Variants in ERC1 observed in about 807,000 individuals in gnomAD.
ERC1 encodes the protein ELKS/RAB6-interacting/CAST family member 1.
Under a neutral mutation model 132.0 loss-of-function variants are expected in ERC1, and 56 were observed. The ratio of observed to expected loss-of-function variants is 0.42; its 90% CI spans 0.34 to 0.53. ERC1 has a LOEUF of 0.53. Among genes scored for constraint, ERC1 ranks in the 20% least tolerant of loss-of-function variants. The pLI is 0.03. For synonymous variants in ERC1, 478 were observed against 476.1 expected, an observed-to-expected ratio of 1.00 and a Z score of -0.05; for missense variants, 1,202 against 1,349.9, an observed-to-expected ratio of 0.89 and a Z score of 1.72.
chr12:1,039,355 AAAAT>A (rs1555211059), intron 2 of ERC1, among the ~76,000 whole-genome samples: 40 of 147,448 alleles, frequency 2.7e-4, no homozygotes, highest in Middle Eastern at 3.5e-3. Context: ...AAAAAAAATA[AAAAT>A]AAATAAATAA....
intron 11 of ERC1, among the ~76,000 whole-genome samples, chr12:1,187,771 A>G (rs961371909): frequency 7.9e-5 from 12 of 152,192 alleles, no homozygotes; most frequent in Admixed American, 3.3e-4. Flanking sequence ...GTCAGTTACC[A>G]CACTGTGCAC....
intron 12 of ERC1, among the ~76,000 whole-genome samples, chr12:1,230,921 T>C (rs149802118): frequency 1.3e-5 from 2 of 152,312 alleles, no homozygotes; most frequent in East Asian, 3.9e-4. Flanking sequence ...AATATCTTTT[T>C]CTATCCTTTT....
chr12:1,320,337 A>G (rs7300981), intron 15 of ERC1, among the ~76,000 whole-genome samples: 60,961 of 152,034 alleles, frequency 0.4, 12,732 homozygotes, highest in Middle Eastern at 0.52. Context: ...ATGTGTATGA[A>G]AGTGTGCATC....
intron 18 of ERC1, among the ~76,000 whole-genome samples, chr12:1,488,140 GAAA>G (rs34258622): frequency 7.3e-5 from 5 of 68,142 alleles, no homozygotes; most frequent in African/African-American, 2.1e-4. Context: ...TCACGTCTCA[GAAA>G]AAAAAAAAAA....
chr12:1,197,936 C>CT (rs955933067), intron 12 of ERC1, among the ~76,000 whole-genome samples: 97 of 142,848 alleles, frequency 6.8e-4, no homozygotes, highest in Middle Eastern at 3.7e-3. Context: ...GTTTTTGTTG[C>CT]TTTTTTTTTT....
chr12:1,233,901 A>G (rs553443946), intron 12 of ERC1, among the ~76,000 whole-genome samples: 26 of 152,316 alleles, frequency 1.7e-4, no homozygotes, highest in Non-Finnish European at 4.4e-5. Flanking sequence ...TTTGATTCAA[A>G]TGGGGAAATT....
intron 16 of ERC1, among the ~76,000 whole-genome samples, chr12:1,374,824 A>ATTTTTTTTTTTTTTT (rs5795968): frequency 4.0e-5 from 5 of 124,580 alleles, no homozygotes; most frequent in Non-Finnish European, 5.0e-5. Flanking sequence ...ACAGGCTGGG[A>ATTTTTTTTTTTTTTT]TTTTTTTTTT....
At chr12:1,324,116 GAGTTA>G (rs36203689) in intron 15 of ERC1, among the ~76,000 whole-genome samples, 5,262 of 152,298 alleles carry the variant, frequency 0.035, 95 homozygotes, top group Middle Eastern at 0.075. Context: ...TTCCTATTCT[GAGTTA>G]AGTTAATTGA....
chr12:1,300,839 A>C (rs915553178), intron 15 of ERC1, among the ~76,000 whole-genome samples: 1 of 151,946 alleles, frequency 6.6e-6, no homozygotes, highest in African/African-American at 2.4e-5. Flanking sequence ...GAACTCTTAC[A>C]CACTGTCGGT....
intron 2 of ERC1, among the ~76,000 whole-genome samples, chr12:1,050,671 T>C (rs893385559): frequency 6.6e-6 from 1 of 152,132 alleles, no homozygotes; most frequent in East Asian, 1.9e-4. Context: ...AAAATGAAAC[T>C]GTCACTACTA....
chr12:1,009,440 C>T (rs528552596), intron 1 of ERC1, among the ~76,000 whole-genome samples: 5 of 152,266 alleles, frequency 3.3e-5, no homozygotes, highest in Admixed American at 6.5e-5. Context: ...TCCCAAAGTG[C>T]TGGGATTACA....
At chr12:1,237,017 T>A (rs1454161825) in intron 13 of ERC1, 113 bp downstream of exon 13, 2 of 1,288,452 alleles carry the variant, frequency 1.6e-6, no homozygotes, top group African/African-American at 1.5e-5. Context: ...TAACCCTGCT[T>A]GCTGCCTTCC....
At chr12:1,420,386 A>T (rs55970499) in intron 17 of ERC1, among the ~76,000 whole-genome samples, 3,900 of 152,272 alleles carry the variant, frequency 0.026, 82 homozygotes, top group Non-Finnish European at 0.041. Context: ...CATCAATTAA[A>T]TGAGATTTTT....
chr12:1,137,500 CTACTT>C (rs1216790910), intron 7 of ERC1, among the ~76,000 whole-genome samples: 1 of 152,090 alleles, frequency 6.6e-6, no homozygotes, highest in African/African-American at 2.4e-5. Flanking sequence ...ATAATGTTAG[CTACTT>C]TACAGTGCTA....
chr12:1,308,879 T>C (rs1258273630), intron 15 of ERC1, among the ~76,000 whole-genome samples: 4 of 152,118 alleles, frequency 2.6e-5, no homozygotes, highest in Non-Finnish European at 5.9e-5. Context: ...GACCCCAAGG[T>C]GATCATATTA....
chr12:1,141,677 A>G lies in ERC1; in HGVS notation c.1627A>G (p.Lys543Glu). 6 of 1,613,636 alleles carry G rather than the reference A, an allele frequency of 3.7e-6. No individual in the cohort carries two copies. The highest frequency in any genetic ancestry group is 1.7e-4 in the Middle Eastern group (1 of 6,060). The change falls in exon 8 of 19, where the codon AAA (lysine) becomes GAA (glutamate). Residue 543 changes from lysine to glutamate, a missense_variant. Coordinates refer to ENST00000360905, the MANE Select transcript of ERC1 (RefSeq NM_178040.4). ...GGAAACCATGTTGAATAAAAAGACA[A>G]AACAAATTCAGGATATGGCTGAAGA... ...EKETMLNKKT[K>E]QIQDMAEEKG...
chr12:1,381,320 A>G (rs1480785439), intron 16 of ERC1: 3 of 152,212 alleles, frequency 2.0e-5, no homozygotes, highest in Non-Finnish European at 4.4e-5. Flanking sequence ...AGTTCAGTCT[A>G]TAATAATTCA....
chr12:1,058,939 C>G (rs1188588882), intron 2 of ERC1, among the ~76,000 whole-genome samples: 1 of 151,918 alleles, frequency 6.6e-6, no homozygotes, highest in African/African-American at 2.4e-5. Flanking sequence ...TGACAGTGGT[C>G]ATTTTAACAG....
rs982228124 is a variant in ERC1 at position 1,494,846 on chromosome 12, T to G, written c.*4616T>G. On this transcript the variant is annotated 3_prime_UTR_variant, in exon 19 of 19. Coordinates refer to ENST00000360905, the MANE Select transcript of ERC1 (RefSeq NM_178040.4). Reference sequence around the variant, plus strand: ...TGTGTTTTAAAAATGCAAACCAATATCTTGTTAATAAAGGAATTCAAGCTA... The same window carrying G: ...TGTGTTTTAAAAATGCAAACCAATAGCTTGTTAATAAAGGAATTCAAGCTA... 1 of 230,346 alleles carries G rather than the reference T, an allele frequency of 4.3e-6. No homozygotes were observed. Among genetic ancestry groups the G allele is most frequent in the Non-Finnish European group, 8.6e-6 (1 of 116,288 alleles). The allele number at this position is 230,346 out of a possible 1,614,324, so 14.3% of individuals were successfully genotyped here.
Sources: gnomAD v4.1 joint callset for allele counts (sites outside exome capture counted in the v4.1 genomes callset) on GRCh38, gnomAD v4.1.1 for gene constraint, MANE v1.5 for transcripts, NCBI Gene and HGNC (gene_info 2026-07-23, HGNC 2026-07-21) for gene names.